Variants in BAIAP2 observed in about 807,000 individuals in gnomAD.
BAIAP2 encodes BAR/IMD domain containing adaptor protein 2.
A neutral mutation model predicts 63.0 loss-of-function variants in BAIAP2; 18 were observed. That is an observed-to-expected ratio of 0.29 (90% CI 0.20 to 0.42). BAIAP2 has a LOEUF of 0.42. BAIAP2 is among the 10% of genes least tolerant of loss of function. The pLI is 1.00. For synonymous variants in BAIAP2, 386 were observed against 307.6 expected (o/e 1.25, Z -2.67); for missense variants, 610 against 734.3 (o/e 0.83, Z 1.96).
rs911886099 is a variant in BAIAP2 at position 81,035,181 on chromosome 17, G to A, written c.-74G>A. ...TCGGGTCCGCTTTCGTCTCCGTCCT[G>A]CTGCCGTTACCGCCGCTGCTGCCGC... On this transcript the variant is annotated 5_prime_UTR_variant, in exon 1 of 14. Coordinates refer to ENST00000428708, the MANE Select transcript of BAIAP2 (RefSeq NM_001144888.2). 1.1e-5 allele frequency: 14 copies of A among 1,287,016 alleles called. No individual in the cohort carries two copies. The highest frequency in any genetic ancestry group is 2.2e-4 in the Middle Eastern group (1 of 4,520). 79.7% of individuals were successfully genotyped at this position (1,287,016 alleles called of 1,614,324 possible).
intron 7 of BAIAP2, among the ~76,000 whole-genome samples, chr17:81,101,647 ACACG>A (rs949167005): frequency 6.9e-6 from 1 of 144,478 alleles, no homozygotes; most frequent in South Asian, 2.3e-4. Context: ...ACACACACAC[ACACG>A]CACGTGATAC....
intron 13 of BAIAP2, chr17:81,110,354 C>T (rs2059771892): frequency 1.0e-6 from 1 of 986,380 alleles, no homozygotes; most frequent in Non-Finnish European, 1.2e-6. Flanking sequence ...CAGGGGATTC[C>T]ATGCTCAATG....
At chr17:81,108,842 C>T in intron 13 of BAIAP2, 1 of 1,404,940 alleles carries the variant, frequency 7.1e-7, no homozygotes. Flanking sequence ...TGTCCTGGGT[C>T]TTCCTGGAGG....
At chr17:81,060,572 AT>A (rs992406880) in intron 3 of BAIAP2, among the ~76,000 whole-genome samples, 1 of 152,056 alleles carries the variant, frequency 6.6e-6, no homozygotes, top group African/African-American at 2.4e-5. Context: ...AGGCAGACCC[AT>A]TTCATTTATC....
rs1301974692 is a variant in BAIAP2, at chr17:81,059,557, G to C, written c.217+1590G>C. 2.0e-5 allele frequency among the ~76,000 whole-genome samples: 3 copies of C among 152,172 alleles called. No homozygotes were observed. The East Asian group carries it at 5.8e-4, about 29-fold the overall frequency. Reference sequence around the variant, plus strand: ...ACTCATGGGCTCAAGTGATCCTCCTGCCTCAGCCTCCCTAGTAGCTGGGAC... The same window carrying C: ...ACTCATGGGCTCAAGTGATCCTCCTCCCTCAGCCTCCCTAGTAGCTGGGAC... On this transcript the variant is annotated intron_variant, in intron 3 of 13. Coordinates refer to ENST00000428708, the MANE Select transcript of BAIAP2 (RefSeq NM_001144888.2).
At chr17:81,092,867 C>T (rs2057009785) in intron 6 of BAIAP2, among the ~76,000 whole-genome samples, 1 of 152,188 alleles carries the variant, frequency 6.6e-6, no homozygotes, top group Non-Finnish European at 1.5e-5. Flanking sequence ...GTGGGTTTAT[C>T]AGTGTGTCCG....
chr17:81,057,598 A>C, intron 2 of BAIAP2: 1 of 1,114,660 alleles, frequency 9.0e-7, no homozygotes, highest in East Asian at 5.0e-5. Flanking sequence ...GTAGCACGTG[A>C]TAGGGATCAG....
intron 1 of BAIAP2, among the ~76,000 whole-genome samples, chr17:81,040,874 T>A (rs1250505365): frequency 1.1e-4 from 16 of 152,156 alleles, no homozygotes. Context: ...TTGGTGTTGG[T>A]CCTGCAACAA....
In BAIAP2 at chr17:81,046,394, A is replaced by AGG. The variant is rs973337705; in HGVS notation, c.55-7273_55-7272dup. On this transcript the variant is annotated intron_variant, in intron 1 of 13. Coordinates refer to ENST00000428708, the MANE Select transcript of BAIAP2 (RefSeq NM_001144888.2). The surrounding 1 kb of genome is among the most constrained non-coding windows in gnomAD (Gnocchi z 4.5). Reference sequence around the variant, plus strand: ...CTCCTGGAGTTGGTTTTCTTCCTTCAGGAAGGATCCTCCAGGACAGATGTC... The same window carrying AGG: ...CTCCTGGAGTTGGTTTTCTTCCTTCAGGGGAAGGATCCTCCAGGACAGATGTC... 7.2e-5 allele frequency among the ~76,000 whole-genome samples: 11 copies of AGG among 152,190 alleles called. No homozygotes were observed. In the East Asian group the frequency reaches 9.7e-4, roughly 13 times the overall value.
chr17:81,084,916 C>G, intron 4 of BAIAP2, 23 bp downstream of exon 4: 1 of 1,612,972 alleles, frequency 6.2e-7, no homozygotes, highest in Non-Finnish European at 8.5e-7. Flanking sequence ...CCAGCGTGGC[C>G]CTGCGAGGAG....
chr17:81,070,911 G>A (rs2052515861), intron 3 of BAIAP2, among the ~76,000 whole-genome samples: 1 of 152,210 alleles, frequency 6.6e-6, no homozygotes, highest in Admixed American at 6.5e-5. Flanking sequence ...TGGAGTGGTG[G>A]CTCAGGACAG....
At chr17:81,084,721 C>A in intron 3 of BAIAP2, 111 bp from the exon 4 acceptor site, 1 of 1,036,808 alleles carries the variant, frequency 9.6e-7, no homozygotes. Context: ...GGGGGCCCTG[C>A]TGCCTGTGGT....
At chr17:81,057,830 C>T in intron 2 of BAIAP2, 51 bp from the exon 3 acceptor site, 1 of 1,577,722 alleles carries the variant, frequency 6.3e-7, no homozygotes, top group Non-Finnish European at 8.6e-7. Flanking sequence ...TGCTGGGGGT[C>T]TTGTCTGTCC....
chr17:81,041,548 TG>T (rs2047079622), intron 1 of BAIAP2, among the ~76,000 whole-genome samples: 1 of 151,586 alleles, frequency 6.6e-6, no homozygotes. Flanking sequence ...TTTCGTTTTT[TG>T]TTTGTTTTTT....
intron 1 of BAIAP2, among the ~76,000 whole-genome samples, chr17:81,035,826 C>T (rs900300071): frequency 1.3e-5 from 2 of 152,182 alleles, no homozygotes; most frequent in Admixed American, 6.5e-5. Context: ...TTGCGCGAGC[C>T]TCGGGCACTT....
intron 1 of BAIAP2, among the ~76,000 whole-genome samples, chr17:81,042,053 A>T (rs192919048): frequency 3.8e-4 from 57 of 151,526 alleles, no homozygotes; most frequent in East Asian, 1.9e-4. Flanking sequence ...CAATGCCAGA[A>T]CACCTCCTGA....
intron 6 of BAIAP2, among the ~76,000 whole-genome samples, chr17:81,095,824 G>T (rs1212584037): frequency 6.6e-6 from 1 of 152,158 alleles, no homozygotes; most frequent in Non-Finnish European, 1.5e-5. Context: ...GGGCTCCTTT[G>T]AGTAAGTGGA....
At chr17:81,073,334 T>C (rs915488940) in intron 3 of BAIAP2, among the ~76,000 whole-genome samples, 1 of 152,104 alleles carries the variant, frequency 6.6e-6, no homozygotes, top group Non-Finnish European at 1.5e-5. Context: ...TTTGTAGGAG[T>C]ACCAGGCCGG....
intron 2 of BAIAP2, among the ~76,000 whole-genome samples, chr17:81,055,191 C>A (rs72852923): frequency 1.2e-4 from 18 of 152,120 alleles, no homozygotes; most frequent in Non-Finnish European, 2.4e-4. Context: ...GGTCAGCCCT[C>A]GTTCCTTTTT....
Sources: allele counts gnomAD v4.1 joint callset (sites outside exome capture counted in the v4.1 genomes callset), GRCh38; gene constraint gnomAD v4.1.1; non-coding constraint Gnocchi (gnomAD v3.1); transcripts MANE v1.5; gene names NCBI Gene and HGNC (gene_info 2026-07-23, HGNC 2026-07-21).